The following GUCY1A2 variants were observed in gnomAD, a reference collection of about 807,000 sequenced individuals.
GUCY1A2 encodes guanylate cyclase 1 soluble subunit alpha 2, also known as guanylate cyclase soluble subunit alpha-2.
In GUCY1A2, 27 loss-of-function variants were observed where a neutral mutation model predicts 63.5. The ratio of observed to expected loss-of-function variants is 0.43; its 90% CI spans 0.31 to 0.59. The LOEUF is 0.59. Ranked by LOEUF, GUCY1A2 falls within the 20% of genes least tolerant of loss-of-function variation. The pLI, the probability that GUCY1A2 is intolerant of heterozygous loss-of-function variation, is 0.11. For missense variants in GUCY1A2, 768 were observed against 913.3 expected (o/e 0.84, Z 2.05); for synonymous variants, 364 against 343.5 (o/e 1.06, Z -0.66).
intron 4 of GUCY1A2, among the ~76,000 whole-genome samples, chr11:106,876,162 A>C (rs184006899): frequency 6.6e-5 from 10 of 152,234 alleles, no homozygotes; most frequent in Admixed American, 3.3e-4. Flanking sequence ...ATATCTAAAA[A>C]AAGTAATTTA....
chr11:106,900,302 G>A (rs1462516668), intron 4 of GUCY1A2, among the ~76,000 whole-genome samples: 1 of 152,038 alleles, frequency 6.6e-6, no homozygotes, highest in Non-Finnish European at 1.5e-5. Context: ...TCCTACCTCA[G>A]CCTCCTGGGT....
intron 6 of GUCY1A2, among the ~76,000 whole-genome samples, chr11:106,747,850 TG>T (rs1863816876): frequency 6.6e-6 from 1 of 152,134 alleles, no homozygotes; most frequent in Admixed American, 6.5e-5. Flanking sequence ...AGGGATCTGA[TG>T]GAAAGTTATG....
intron 6 of GUCY1A2, among the ~76,000 whole-genome samples, chr11:106,711,233 A>G (rs1194499040): frequency 6.6e-6 from 1 of 152,160 alleles, no homozygotes. Context: ...CTAGATTTAT[A>G]AAAGAGTTGG....
chr11:106,797,216 C>T (rs954245267), intron 5 of GUCY1A2, among the ~76,000 whole-genome samples: 7 of 151,984 alleles, frequency 4.6e-5, no homozygotes, highest in Admixed American at 6.6e-5. Flanking sequence ...GCGATGTGTT[C>T]GAACTTCCTC....
intron 4 of GUCY1A2, among the ~76,000 whole-genome samples, chr11:106,831,564 G>A (rs1403658382): frequency 6.6e-6 from 1 of 152,174 alleles, no homozygotes; most frequent in Non-Finnish European, 1.5e-5. Flanking sequence ...TACTGACTGA[G>A]TTATGACCAT....
chr11:106,914,192 AC>A (rs1860337421), intron 4 of GUCY1A2, among the ~76,000 whole-genome samples: 1 of 152,038 alleles, frequency 6.6e-6, no homozygotes, highest in Non-Finnish European at 1.5e-5. Context: ...GGGGGTCTTA[AC>A]ATACATGAAG....
intron 4 of GUCY1A2, among the ~76,000 whole-genome samples, chr11:106,921,208 T>C (rs377064347): frequency 1.3e-3 from 204 of 152,230 alleles, no homozygotes; most frequent in African/African-American, 4.3e-3. Context: ...ATTATTTCCA[T>C]AGTCACTGAA....
chr11:106,915,408 T>C (rs937831467), intron 4 of GUCY1A2, among the ~76,000 whole-genome samples: 12 of 151,984 alleles, frequency 7.9e-5, no homozygotes, highest in African/African-American at 2.9e-4. Context: ...TACAGTGTCA[T>C]TTGAAAGTGA....
chr11:106,784,994 G>T (rs181603682), intron 5 of GUCY1A2, among the ~76,000 whole-genome samples: 2 of 152,300 alleles, frequency 1.3e-5, no homozygotes, highest in East Asian at 1.9e-4. Flanking sequence ...AGGCACTTCA[G>T]AGAGAAGAAT....
chr11:106,952,793 C>T (rs2120030697), intron 3 of GUCY1A2, among the ~76,000 whole-genome samples: 1 of 152,130 alleles, frequency 6.6e-6, no homozygotes, highest in South Asian at 2.1e-4. Context: ...GTGTGCACTA[C>T]CACACCTGGC....
chr11:106,865,745 C>T (rs993818753), intron 4 of GUCY1A2, among the ~76,000 whole-genome samples: 2 of 151,666 alleles, frequency 1.3e-5, no homozygotes, highest in Non-Finnish European at 2.9e-5. Flanking sequence ...CACCTGTATA[C>T]CTATGTAATA....
At chr11:106,949,006 C>T (rs1056620495) in intron 3 of GUCY1A2, among the ~76,000 whole-genome samples, 20 of 152,012 alleles carry the variant, frequency 1.3e-4, no homozygotes, top group African/African-American at 4.8e-4. Flanking sequence ...TAAAAAGATG[C>T]TTGATTTTGT....
intron 4 of GUCY1A2, among the ~76,000 whole-genome samples, chr11:106,859,978 A>G (rs1050544642): frequency 6.6e-6 from 1 of 152,000 alleles, no homozygotes; most frequent in African/African-American, 2.4e-5. Flanking sequence ...TAAGTAATGC[A>G]TGACTGTACT....
chr11:106,929,861 TAAC>T (rs1860577955), intron 4 of GUCY1A2, among the ~76,000 whole-genome samples: 2 of 150,148 alleles, frequency 1.3e-5, no homozygotes, highest in Admixed American at 1.3e-4. Flanking sequence ...TTTTATATGA[TAAC>T]TATTTAAATA....
intron 4 of GUCY1A2, among the ~76,000 whole-genome samples, chr11:106,908,345 A>G (rs1165188446): frequency 6.6e-6 from 1 of 151,932 alleles, no homozygotes; most frequent in East Asian, 1.9e-4. Context: ...AACTCAACAA[A>G]CATATGAAAT....
chr11:106,726,241 C>T (rs7358481), intron 6 of GUCY1A2, among the ~76,000 whole-genome samples: 1 of 151,972 alleles, frequency 6.6e-6, no homozygotes, highest in Admixed American at 6.6e-5. Flanking sequence ...ATGGTAAAAC[C>T]TCGTCTCTAC....
chr11:106,683,836 G>C lies in GUCY1A2; in HGVS notation c.*3713C>G, dbSNP rs1395743152. 8 of 209,778 alleles carry C rather than the reference G, an allele frequency of 3.8e-5. No homozygotes were observed. The highest frequency in any genetic ancestry group is 2.4e-4 in the Admixed American group (4 of 16,884). 13.0% of individuals were successfully genotyped at this position (209,778 alleles called of 1,614,324 possible). On this transcript the variant is annotated 3_prime_UTR_variant, in exon 8 of 8. Coordinates refer to ENST00000526355, the MANE Select transcript of GUCY1A2 (RefSeq NM_000855.3). ...TATATTTAATTATGGTCATAATTTT[G>C]AGCTCCTACCTGATGCCTTACGACT...
intron 4 of GUCY1A2, among the ~76,000 whole-genome samples, chr11:106,899,147 T>C (rs77373763): frequency 0.031 from 4,769 of 152,246 alleles, 119 homozygotes; most frequent in Non-Finnish European, 0.047. Flanking sequence ...AAATACTTTG[T>C]AATGAGGCCC....
intron 4 of GUCY1A2, among the ~76,000 whole-genome samples, chr11:106,895,395 C>T (rs1330913742): frequency 6.6e-6 from 1 of 152,092 alleles, no homozygotes; most frequent in East Asian, 1.9e-4. Context: ...TTGGCTGTGT[C>T]CCCACCAAAT....
Sources: gnomAD v4.1 joint callset for allele counts (sites outside exome capture counted in the v4.1 genomes callset) on GRCh38, gnomAD v4.1.1 for gene constraint, MANE v1.5 for transcripts, NCBI Gene and HGNC (gene_info 2026-07-23, HGNC 2026-07-21) for gene names.